SLC1A1: variants seen among roughly 807,000 people sequenced by gnomAD.
The protein encoded by SLC1A1 is solute carrier family 1 member 1, also known as excitatory amino acid transporter 3.
A neutral mutation model predicts 53.3 loss-of-function variants in SLC1A1; 43 were observed. That is an observed-to-expected ratio of 0.81 (90% CI 0.63 to 1.04). SLC1A1 has a LOEUF of 1.04. SLC1A1 is among the 50% of genes least tolerant of loss of function. SLC1A1 has a pLI of 0.00. For missense variants in SLC1A1, 748 were observed against 664.9 expected (o/e 1.12, Z -1.37); for synonymous variants, 307 against 243.2 (o/e 1.26, Z -2.44).
intron 1 of SLC1A1, among the ~76,000 whole-genome samples, chr9:4,532,360 G>C (rs1816505121): frequency 6.6e-6 from 1 of 151,976 alleles, no homozygotes; most frequent in Admixed American, 6.6e-5. Flanking sequence ...ATGCAGAGAA[G>C]TCCTTAAAGG....
intron 2 of SLC1A1, among the ~76,000 whole-genome samples, chr9:4,558,840 A>G (rs1038596640): frequency 6.6e-6 from 1 of 152,146 alleles, no homozygotes; most frequent in African/African-American, 2.4e-5. Flanking sequence ...AGGACGACAT[A>G]TCTGAAAATA....
intron 2 of SLC1A1, among the ~76,000 whole-genome samples, chr9:4,550,222 C>T (rs1261057412): frequency 6.6e-6 from 1 of 152,170 alleles, no homozygotes; most frequent in Non-Finnish European, 1.5e-5. Context: ...ACTGGATTTA[C>T]AATTGAGGAT....
At position 4,583,713 on chromosome 9, in the gene SLC1A1, G is replaced by T. The variant is rs1404161995; in HGVS notation, c.1328+541G>T. On this transcript the variant is annotated intron_variant, in intron 11 of 11. Coordinates refer to ENST00000262352, the MANE Select transcript of SLC1A1 (RefSeq NM_004170.6). This position sits in a 1 kb window ranked among gnomAD's most constrained non-coding sequence, Gnocchi z 4.6. ...GGGAAAAAATCTGCCTATGTCATTG[G>T]GTTGTTTTAAGGACTGAGTGAGCTC... 1.3e-5 allele frequency among the ~76,000 whole-genome samples: 2 copies of T among 152,122 alleles called. No individual in the cohort carries two copies. Among genetic ancestry groups the T allele is most frequent in the African/African-American group, 4.8e-5 (2 of 41,396 alleles).
chr9:4,562,318 C>T (rs1819034005), intron 3 of SLC1A1, among the ~76,000 whole-genome samples: 1 of 152,132 alleles, frequency 6.6e-6, no homozygotes, highest in Non-Finnish European at 1.5e-5. Context: ...AGGTGATCTA[C>T]CTGCCTTGGC....
rs542333961 is a variant in SLC1A1, at chr9:4,528,281, G to A, written c.92-16286G>A. 5.3e-5 allele frequency among the ~76,000 whole-genome samples: 8 copies of A among 150,722 alleles called. 1 individual carries two copies. The highest frequency in any genetic ancestry group is 1.7e-4 in the African/African-American group (7 of 41,168). On this transcript the variant is annotated intron_variant, in intron 1 of 11. Transcript: ENST00000262352. The stretch of plus-strand genomic sequence containing the variant: ...ACTGGAGTTTGATTTTATTAAAAAT[G>A]CAAGTTAGGAGGTGGGCACAGTGGC...
intron 1 of SLC1A1, among the ~76,000 whole-genome samples, chr9:4,512,842 G>A (rs149555439): frequency 1.3e-5 from 2 of 152,034 alleles, no homozygotes; most frequent in African/African-American, 4.8e-5. Context: ...GTAGCTCATT[G>A]CAGCCTTGAA....
intron 8 of SLC1A1, among the ~76,000 whole-genome samples, chr9:4,574,548 G>C (rs1820368327): frequency 6.6e-6 from 1 of 152,144 alleles, no homozygotes; most frequent in South Asian, 2.1e-4. Context: ...CTTGAGGCTG[G>C]GAGGAATTGT....
At chr9:4,578,227 G>C (rs1281984868) in intron 10 of SLC1A1, among the ~76,000 whole-genome samples, 1 of 152,190 alleles carries the variant, frequency 6.6e-6, no homozygotes, top group Non-Finnish European at 1.5e-5. Context: ...GTTATTGCTT[G>C]TATTGGAATC....
At chr9:4,531,867 A>C (rs1049293147) in intron 1 of SLC1A1, among the ~76,000 whole-genome samples, 11 of 152,126 alleles carry the variant, frequency 7.2e-5, no homozygotes, top group African/African-American at 2.4e-4. Flanking sequence ...ATTTCCAGAG[A>C]AATGATCAGG....
chr9:4,495,148 G>A (rs1204133490), intron 1 of SLC1A1, among the ~76,000 whole-genome samples: 3 of 152,150 alleles, frequency 2.0e-5, no homozygotes, highest in Admixed American at 6.5e-5. Context: ...AATTTGAGAC[G>A]TGGCATAGGC....
At position 4,524,304 on chromosome 9, in the gene SLC1A1, G is replaced by T. The variant is rs547885904; in HGVS notation, c.92-20263G>T. 2.6e-5 allele frequency among the ~76,000 whole-genome samples: 4 copies of T among 152,290 alleles called. No homozygotes were observed. In the East Asian group the frequency reaches 5.8e-4, roughly 22 times the overall value. On this transcript the variant is annotated intron_variant, in intron 1 of 11. Coordinates refer to ENST00000262352, the MANE Select transcript of SLC1A1 (RefSeq NM_004170.6). ...GGTAAGGAATAAATAATTGATGGTG[G>T]TGTCACACATCTAGTAATATGATAG...
intron 1 of SLC1A1, among the ~76,000 whole-genome samples, chr9:4,508,701 T>C (rs1011801657): frequency 1.3e-5 from 2 of 152,230 alleles, no homozygotes; most frequent in African/African-American, 4.8e-5. Flanking sequence ...GCTTTGCTCA[T>C]GACATCCTCC....
At chr9:4,501,861 A>T (rs1179506217) in intron 1 of SLC1A1, among the ~76,000 whole-genome samples, 1 of 151,788 alleles carries the variant, frequency 6.6e-6, no homozygotes, top group Non-Finnish European at 1.5e-5. Flanking sequence ...GAGAATGTAC[A>T]ATTATTTTTC....
intron 2 of SLC1A1, among the ~76,000 whole-genome samples, chr9:4,545,684 C>T (rs1006322090): frequency 1.3e-5 from 2 of 152,190 alleles, no homozygotes; most frequent in African/African-American, 2.4e-5. Flanking sequence ...TATGGAAGTG[C>T]ACCATATTCG....
intron 1 of SLC1A1, among the ~76,000 whole-genome samples, chr9:4,510,238 C>T (rs183045889): frequency 6.6e-6 from 1 of 152,268 alleles, no homozygotes; most frequent in African/African-American, 2.4e-5. Context: ...ACCAGCAGGA[C>T]CATCTCCTGC....
chr9:4,567,867 T>C (rs1373171711), intron 6 of SLC1A1, 100 bp downstream of exon 6: 3 of 833,586 alleles, frequency 3.6e-6, no homozygotes, highest in African/African-American at 1.7e-5. Context: ...AGAATCGCAT[T>C]TGCAAATTCA....
intron 1 of SLC1A1, among the ~76,000 whole-genome samples, chr9:4,508,510 G>A (rs1426241630): frequency 1.3e-5 from 2 of 152,176 alleles, no homozygotes; most frequent in East Asian, 3.8e-4. Context: ...TCCATCCCCA[G>A]GAGGCATCCC....
intron 10 of SLC1A1, among the ~76,000 whole-genome samples, chr9:4,582,079 G>A (rs1821148273): frequency 6.6e-6 from 1 of 152,182 alleles, no homozygotes; most frequent in African/African-American, 2.4e-5. Context: ...TCTCCAGAAA[G>A]CACTGTAGGT....
intron 1 of SLC1A1, among the ~76,000 whole-genome samples, chr9:4,498,836 A>G (rs1820532490): frequency 1.3e-5 from 2 of 149,440 alleles, no homozygotes; most frequent in Non-Finnish European, 3.0e-5. Context: ...GTGTGTGTAT[A>G]TATATGATAT....
Sources: gnomAD v4.1 joint callset for allele counts (sites outside exome capture counted in the v4.1 genomes callset) on GRCh38, gnomAD v4.1.1 for gene constraint, Gnocchi (gnomAD v3.1) non-coding constraint, MANE v1.5 for transcripts, NCBI Gene and HGNC (gene_info 2026-07-23, HGNC 2026-07-21) for gene names.